RHOG: variants seen among roughly 807,000 people sequenced by gnomAD.
The protein encoded by RHOG is rho-related GTP-binding protein RhoG.
Under a neutral mutation model 12.3 loss-of-function variants are expected in RHOG, and 1 was observed. That is an observed-to-expected ratio of 0.08 (90% CI 0.03 to 0.39). The LOEUF is 0.39. RHOG is among the 10% of genes least tolerant of loss of function. RHOG has a pLI of 0.99. For missense variants in RHOG, 114 were observed against 266.2 expected, an observed-to-expected ratio of 0.43 and a Z score of 3.98; for synonymous variants, 129 against 116.0, an observed-to-expected ratio of 1.11 and a Z score of -0.72.
At chr11:3,833,829 CT>C (rs1423380317) in intron 1 of RHOG, among the ~76,000 whole-genome samples, 1 of 152,174 alleles carries the variant, frequency 6.6e-6, no homozygotes, top group Non-Finnish European at 1.5e-5. Context: ...AACTTTTACT[CT>C]TTGTTTTTCC....
intron 1 of RHOG, among the ~76,000 whole-genome samples, chr11:3,838,248 C>T (rs1590481758): frequency 6.6e-6 from 1 of 152,210 alleles, no homozygotes; most frequent in East Asian, 1.9e-4. Context: ...CCAATATTTT[C>T]CCATTAAAAT....
chr11:3,827,746 C>A lies in RHOG; in HGVS notation c.393G>T (p.Glu131Asp). The part of the protein sequence containing the change: ...AQPDTLRRLK[E>D]QGQAPITPQQ... Reference sequence around the variant, plus strand: ...GCGGTGTGATGGGCGCCTGGCCCTGCTCCTTGAGGCGCCGTAGGGTGTCAG... The same window carrying A: ...GCGGTGTGATGGGCGCCTGGCCCTGATCCTTGAGGCGCCGTAGGGTGTCAG... Residue 131 changes from glutamate (E) to aspartate (D), a missense_variant, in exon 2 of 2, where the codon GAG becomes GAT. Physicochemically the swap from Glu to Asp is conservative, Grantham distance 45. This residue lies in a region of RHOG where 61 missense variants were observed against 101.4 expected (regional missense o/e 0.60). Coordinates refer to ENST00000351018, the MANE Select transcript of RHOG (RefSeq NM_001665.4). This position sits in a 1 kb window ranked among gnomAD's most constrained non-coding sequence, Gnocchi z 7.3. 6.2e-7 allele frequency: 1 copy of A among 1,613,992 alleles called. No homozygotes were observed. Among genetic ancestry groups the A allele is most frequent in the Non-Finnish European group, 8.5e-7 (1 of 1,179,978 alleles).
chr11:3,840,342 A>T (rs1315746091), intron 1 of RHOG, among the ~76,000 whole-genome samples: 7 of 152,022 alleles, frequency 4.6e-5, no homozygotes, highest in Admixed American at 1.3e-4. Flanking sequence ...CCCCCACCCA[A>T]CCCGGGTCCT....
rs1392149753 is a variant in RHOG, at chr11:3,827,719, C to T, written c.420G>A (p.Gln140=). 6.2e-7 allele frequency: 1 copy of T among 1,614,092 alleles called. No individual in the cohort carries two copies. Among genetic ancestry groups the T allele is most frequent in the Non-Finnish European group, 8.5e-7 (1 of 1,180,008 alleles). ...TCTGCTTGGCCAGTGCCTGGCCCTG[C>T]TGCGGTGTGATGGGCGCCTGGCCCT... ...KEQGQAPITP[Q]QGQALAKQIH... is the part of the protein sequence containing the mutation. Residue 140 remains glutamine, a synonymous_variant, in exon 2 of 2, where the codon CAG becomes CAA. Transcript: ENST00000351018. The surrounding 1 kb of genome is among the most constrained non-coding windows in gnomAD (Gnocchi z 7.3).
At chr11:3,835,162 C>T (rs1175586240) in intron 1 of RHOG, among the ~76,000 whole-genome samples, 1 of 152,158 alleles carries the variant, frequency 6.6e-6, no homozygotes, top group Non-Finnish European at 1.5e-5. Flanking sequence ...AGGGCAAGGT[C>T]CTGGTTGACT....
rs187431257 is a variant in RHOG, at chr11:3,829,314, G to A, written c.-68-1108C>T. Among the ~76,000 whole-genome samples, 692 of 149,058 alleles carry A rather than the reference G, an allele frequency of 4.6e-3. 10 individuals carry two copies. Among genetic ancestry groups the A allele is most frequent in the African/African-American group, 0.016 (650 of 40,216 alleles). ...GTCGTCCAGGCTGGAGTGCAGTGGCGTGATCTCAGCTCACTGCAACCTCCG... is the reference window on the plus strand; with the variant it reads ...GTCGTCCAGGCTGGAGTGCAGTGGCATGATCTCAGCTCACTGCAACCTCCG... On this transcript the variant is annotated intron_variant, in intron 1 of 1. Transcript: ENST00000351018.
intron 1 of RHOG, among the ~76,000 whole-genome samples, chr11:3,839,394 T>C (rs1443124352): frequency 1.3e-5 from 2 of 152,046 alleles, no homozygotes; most frequent in Non-Finnish European, 2.9e-5. Context: ...TTCATTCTGC[T>C]GGCTTCCCTT....
At chr11:3,838,858 G>C (rs1329112606) in intron 1 of RHOG, among the ~76,000 whole-genome samples, 1 of 152,190 alleles carries the variant, frequency 6.6e-6, no homozygotes, top group African/African-American at 2.4e-5. Flanking sequence ...AGGATGGACT[G>C]AAGTTAAATT....
chr11:3,839,014 T>C (rs2090172473), intron 1 of RHOG, among the ~76,000 whole-genome samples: 1 of 152,148 alleles, frequency 6.6e-6, no homozygotes, highest in Admixed American at 6.5e-5. Flanking sequence ...GTACCCAGCC[T>C]AGGCAGGCCC....
chr11:3,836,431 T>A (rs1002436609), intron 1 of RHOG, among the ~76,000 whole-genome samples: 2 of 151,154 alleles, frequency 1.3e-5, no homozygotes, highest in African/African-American at 4.9e-5. Flanking sequence ...CCTTCAGCCT[T>A]TGGAGAGGAT....
Position 3,827,497 on chromosome 11 carries a change from G to A in RHOG, c.*66C>T, listed in dbSNP as rs895739402. The A allele has an allele frequency of 3.0e-5, 40 of 1,353,654 alleles. No homozygotes were observed. The highest frequency in any genetic ancestry group is 5.7e-5 in the African/African-American group (4 of 70,212). The allele number at this position is 1,353,654 out of a possible 1,614,324, so 83.9% of individuals were successfully genotyped here. ...TTAGTCCTTAAGGCACAGCTGAGGC[G>A]GACAAGGCACCAAGGCACAACTGGT... On this transcript the variant is annotated 3_prime_UTR_variant, in exon 2 of 2. Transcript: ENST00000351018. The surrounding 1 kb of genome is among the most constrained non-coding windows in gnomAD (Gnocchi z 7.3).
chr11:3,834,796 G>C (rs554978144), intron 1 of RHOG, among the ~76,000 whole-genome samples: 11 of 152,266 alleles, frequency 7.2e-5, no homozygotes, highest in African/African-American at 2.6e-4. Context: ...GGGAGGAACG[G>C]ACTCTTAAAA....
intron 1 of RHOG, among the ~76,000 whole-genome samples, chr11:3,830,133 T>C (rs1272005629): frequency 6.6e-6 from 1 of 152,198 alleles, no homozygotes; most frequent in African/African-American, 2.4e-5. Flanking sequence ...TCTGTCCATT[T>C]CCTGAGATCC....
At chr11:3,840,788 CG>C (rs2090188720) in intron 1 of RHOG, 105 bp downstream of exon 1, 1 of 152,236 alleles carries the variant, frequency 6.6e-6, no homozygotes, top group Non-Finnish European at 1.5e-5. Context: ...AGCTCCCGCC[CG>C]CGGCCTCCGC....
At chr11:3,836,357 C>CAA (rs61427960) in intron 1 of RHOG, among the ~76,000 whole-genome samples, 48,657 of 118,922 alleles carry the variant, frequency 0.41, 10,897 homozygotes, top group South Asian at 0.54. Flanking sequence ...ACTCCATCTC[C>CAA]AAAAAAAAAA....
At chr11:3,838,029 G>A (rs1010296920) in intron 1 of RHOG, among the ~76,000 whole-genome samples, 1 of 152,236 alleles carries the variant, frequency 6.6e-6, no homozygotes, top group Non-Finnish European at 1.5e-5. Flanking sequence ...CTGATCTGGG[G>A]AGGTGGCCCA....
chr11:3,830,765 G>A (rs1352670209), intron 1 of RHOG: 2 of 152,196 alleles, frequency 1.3e-5, no homozygotes, highest in East Asian at 3.8e-4. Context: ...TATGAGTGGG[G>A]TAAGTATGAG....
intron 1 of RHOG, among the ~76,000 whole-genome samples, chr11:3,828,970 C>A (rs1445246259): frequency 1.3e-5 from 2 of 151,754 alleles, no homozygotes; most frequent in African/African-American, 4.8e-5. Flanking sequence ...AAGGAGAGTG[C>A]ACAAATTTAG....
chr11:3,836,243 G>A (rs1169707135), intron 1 of RHOG, among the ~76,000 whole-genome samples: 3 of 151,106 alleles, frequency 2.0e-5, no homozygotes, highest in Non-Finnish European at 1.5e-5. Context: ...TGTAATCCCA[G>A]CTACTCAGGA....
Sources: allele counts gnomAD v4.1 joint callset (sites outside exome capture counted in the v4.1 genomes callset), GRCh38; gene constraint gnomAD v4.1.1; regional missense constraint gnomAD v4.1.1; non-coding constraint Gnocchi (gnomAD v3.1); transcripts MANE v1.5; gene names NCBI Gene and HGNC (gene_info 2026-07-23, HGNC 2026-07-21).